The following PIK3C3 variants were observed in gnomAD, a reference collection of about 807,000 sequenced individuals.
The protein encoded by PIK3C3 is PI3-kinase type 3.
Under a neutral mutation model 126.1 loss-of-function variants are expected in PIK3C3, and 95 were observed. The ratio of observed to expected loss-of-function variants is 0.75; its 90% CI spans 0.64 to 0.89. The LOEUF (loss-of-function observed/expected upper bound fraction) is 0.89, where lower values mean the gene tolerates loss of function less well. PIK3C3 is among the 40% of genes least tolerant of loss of function. PIK3C3 has a pLI of 0.00. For synonymous variants in PIK3C3, 374 were observed against 360.0 expected (o/e 1.04, Z -0.44); for missense variants, 829 against 1,063.2 (o/e 0.78, Z 3.06).
chr18:42,034,498 C>CT (rs1454126936), intron 16 of PIK3C3, among the ~76,000 whole-genome samples: 1 of 144,600 alleles, frequency 6.9e-6, no homozygotes, highest in Non-Finnish European at 1.5e-5. Flanking sequence ...CCCAGTTGAC[C>CT]TTTTTAACAT....
At chr18:42,024,763 A>T (rs1436896058) in intron 13 of PIK3C3, among the ~76,000 whole-genome samples, 1 of 150,006 alleles carries the variant, frequency 6.7e-6, no homozygotes, top group Non-Finnish European at 1.5e-5. Context: ...GAGGTGTTTG[A>T]TACTTGATGC....
chr18:42,076,086 T>TTGCATATATATATA (rs1219586302), intron 24 of PIK3C3, among the ~76,000 whole-genome samples: 2,688 of 85,306 alleles, frequency 0.032, 125 homozygotes, highest in Non-Finnish European at 0.044. Flanking sequence ...CTGCTTTACC[T>TTGCATATATATATA]TGCATATATA....
intron 24 of PIK3C3, among the ~76,000 whole-genome samples, chr18:42,076,149 T>TATATATATATTCGC (rs1488935372): frequency 1.1e-5 from 1 of 88,626 alleles, no homozygotes; most frequent in Admixed American, 1.2e-4. Context: ...TATATGCGCA[T>TATATATATATTCGC]ATATATATAT....
At chr18:42,071,699 AAC>A (rs1985779398) in intron 24 of PIK3C3, among the ~76,000 whole-genome samples, 1 of 151,822 alleles carries the variant, frequency 6.6e-6, no homozygotes, top group South Asian at 2.1e-4. Flanking sequence ...CAGCCTGGGC[AAC>A]AGAGTGAGAT....
chr18:42,039,426 G>T (rs1598921069), intron 18 of PIK3C3, among the ~76,000 whole-genome samples: 1 of 152,146 alleles, frequency 6.6e-6, no homozygotes, highest in Non-Finnish European at 1.5e-5. Context: ...TCATTTGTTA[G>T]CTTTCATTTT....
rs887169390 is a variant in PIK3C3, at chr18:42,084,109, G to A, written c.*2972G>A. On this transcript the variant is annotated 3_prime_UTR_variant, in exon 25 of 25. Coordinates refer to ENST00000262039, the MANE Select transcript of PIK3C3 (RefSeq NM_002647.4). ...ACATATTCATACTTTCCTTGGGTTG[G>A]AAAATAGATCATTCAGTAAAAACAT... The A allele has an allele frequency of 3.9e-5, 6 of 152,152 alleles. No individual in the cohort carries two copies. The highest frequency in any genetic ancestry group is 1.4e-4 in the African/African-American group (6 of 41,442). 9.4% of individuals were successfully genotyped at this position (152,152 alleles called of 1,614,324 possible). A position where few individuals can be genotyped will look rare whatever the true frequency, so the allele number is the denominator to read the frequency against.
At chr18:41,972,202 C>G (rs544021146) in intron 4 of PIK3C3, among the ~76,000 whole-genome samples, 5 of 151,926 alleles carry the variant, frequency 3.3e-5, no homozygotes, top group East Asian at 3.9e-4. Context: ...AAACAGTAAC[C>G]CTTCATGCTT....
At chr18:42,076,091 T>G in intron 24 of PIK3C3, among the ~76,000 whole-genome samples, 1 of 48,198 alleles carries the variant, frequency 2.1e-5, no homozygotes, top group Non-Finnish European at 3.7e-5. Flanking sequence ...TTACCTTGCA[T>G]ATATATATAT....
At position 42,049,591 on chromosome 18, in the gene PIK3C3, T is replaced by C; in HGVS notation, c.2249T>C (p.Leu750Ser). ...GVGDRHLDNL[L>S]LTKTGKLFHI... The stretch of plus-strand genomic sequence containing the variant: ...GGAGACAGGCACCTGGATAACCTTT[T>C]GCTAACAAAAACAGGTAACAATTAA... Residue 750 changes from leucine to serine, a missense_variant, in exon 21 of 25, where the codon TTG (leucine) becomes TCG (serine). Coordinates refer to ENST00000262039, the MANE Select transcript of PIK3C3 (RefSeq NM_002647.4). The C allele has an allele frequency of 6.2e-7, 1 of 1,612,550 alleles. No homozygotes were observed. The highest frequency in any genetic ancestry group is 8.5e-7 in the Non-Finnish European group (1 of 1,178,578).
chr18:41,959,621 A>T (rs1361296300), intron 2 of PIK3C3, among the ~76,000 whole-genome samples: 1 of 152,090 alleles, frequency 6.6e-6, no homozygotes, highest in East Asian at 1.9e-4. Flanking sequence ...CACATGGTGA[A>T]ACCCCCTATT....
chr18:41,963,741 T>C (rs1980215080), intron 3 of PIK3C3, among the ~76,000 whole-genome samples: 1 of 152,192 alleles, frequency 6.6e-6, no homozygotes, highest in African/African-American at 2.4e-5. Context: ...TGACTATTTG[T>C]GTTTATGTTT....
At chr18:42,009,736 TTACATTATGTAATG>T (rs947158000) in intron 10 of PIK3C3, among the ~76,000 whole-genome samples, 1 of 148,462 alleles carries the variant, frequency 6.7e-6, no homozygotes, top group Non-Finnish European at 1.5e-5. Flanking sequence ...TATGTAATGC[TTACATTATGTAATG>T]TACATTATGT....
At chr18:42,014,100 T>C (rs1982956228) in intron 11 of PIK3C3, among the ~76,000 whole-genome samples, 1 of 150,092 alleles carries the variant, frequency 6.7e-6, no homozygotes, top group African/African-American at 2.5e-5. Flanking sequence ...GAGTCAGAAG[T>C]TCAAAACCAG....
intron 6 of PIK3C3, among the ~76,000 whole-genome samples, chr18:41,991,658 A>G (rs1223250844): frequency 6.6e-6 from 1 of 152,214 alleles, no homozygotes; most frequent in Non-Finnish European, 1.5e-5. Flanking sequence ...AAAGGTTTTC[A>G]TAATGAAGGT....
At chr18:42,031,127 G>T (rs1268615581) in intron 15 of PIK3C3, among the ~76,000 whole-genome samples, 1 of 152,156 alleles carries the variant, frequency 6.6e-6, no homozygotes, top group Non-Finnish European at 1.5e-5. Context: ...AAGAAATGCA[G>T]AGATAGCGCT....
At chr18:42,042,556 C>T (rs1354630461) in intron 19 of PIK3C3, among the ~76,000 whole-genome samples, 1 of 152,158 alleles carries the variant, frequency 6.6e-6, no homozygotes, top group Non-Finnish European at 1.5e-5. Context: ...CTGAAGTGTA[C>T]TTAAAGTTTT....
At chr18:42,018,227 T>G (rs772733838) in intron 12 of PIK3C3, among the ~76,000 whole-genome samples, 2 of 152,054 alleles carry the variant, frequency 1.3e-5, no homozygotes, top group Non-Finnish European at 2.9e-5. Context: ...CTTTAAATTG[T>G]TTTAAAACCT....
intron 24 of PIK3C3, among the ~76,000 whole-genome samples, chr18:42,068,547 G>T (rs879835169): frequency 1.3e-5 from 2 of 152,098 alleles, no homozygotes; most frequent in Non-Finnish European, 2.9e-5. Context: ...ATTTCTGTAT[G>T]TTTTCTACCT....
At chr18:42,023,503 ATC>A (rs1030896081) in intron 13 of PIK3C3, among the ~76,000 whole-genome samples, 11 of 152,228 alleles carry the variant, frequency 7.2e-5, no homozygotes, top group African/African-American at 2.2e-4. Flanking sequence ...TTCCCACTAT[ATC>A]TCTGATTCAT....
Sources: gnomAD v4.1 joint callset for allele counts (sites outside exome capture counted in the v4.1 genomes callset) on GRCh38, gnomAD v4.1.1 for gene constraint, MANE v1.5 for transcripts, NCBI Gene and HGNC (gene_info 2026-07-23, HGNC 2026-07-21) for gene names.